The following CABYR variants were observed in gnomAD, a reference collection of about 807,000 sequenced individuals.
The protein encoded by CABYR is calcium binding tyrosine phosphorylation regulated.
Under a neutral mutation model 36.1 loss-of-function variants are expected in CABYR, and 31 were observed. The observed-to-expected ratio is 0.86, with a 90% confidence interval of 0.64 to 1.16. The LOEUF (loss-of-function observed/expected upper bound fraction) is 1.16, where lower values mean the gene tolerates loss of function less well. Ranked by LOEUF, CABYR falls within the 50% of genes most tolerant of loss-of-function variation. The pLI is 0.00. For synonymous variants in CABYR, 146 were observed against 160.7 expected (o/e 0.91, Z 0.69); for missense variants, 429 against 455.8 (o/e 0.94, Z 0.53).
chr18:24,155,613 C>T (rs2085759798), intron 3 of CABYR, 88 bp from the exon 4 acceptor site: 2 of 978,686 alleles, frequency 2.0e-6, no homozygotes, highest in African/African-American at 3.3e-5. Flanking sequence ...TGAGCCACTA[C>T]ATCCCTATTA....
At chr18:24,159,107 C>A (rs937819981) in intron 4 of CABYR, among the ~76,000 whole-genome samples, 118 of 152,192 alleles carry the variant, frequency 7.8e-4, no homozygotes, top group Non-Finnish European at 8.2e-4. Context: ...AATGGCTTAA[C>A]ACACTCTTCA....
At chr18:24,145,953 T>C (rs1216286306) in intron 3 of CABYR, among the ~76,000 whole-genome samples, 1 of 152,176 alleles carries the variant, frequency 6.6e-6, no homozygotes, top group Non-Finnish European at 1.5e-5. Context: ...GAGGATCAAA[T>C]TGATTTGCCA....
chr18:24,151,313 A>G (rs1025784578), intron 3 of CABYR, among the ~76,000 whole-genome samples: 2 of 152,234 alleles, frequency 1.3e-5, no homozygotes, highest in Non-Finnish European at 2.9e-5. Flanking sequence ...ACAAGAAGGA[A>G]TGCCTTTAGT....
At chr18:24,157,613 G>A (rs1033462347) in intron 4 of CABYR, among the ~76,000 whole-genome samples, 1 of 152,026 alleles carries the variant, frequency 6.6e-6, no homozygotes, top group Non-Finnish European at 1.5e-5. Context: ...CAGCAGAAAG[G>A]ACGGCCCGGC....
Position 24,159,935 on chromosome 18 carries a change from T to C in CABYR, c.1005T>C (p.Ala335=). ...RPKSPVFLSV[A]FPVEDVAKKS... is the part of the protein sequence containing the mutation. ...AAAGCCCTGTTTTCCTTTCTGTTGC[T>C]TTCCCAGTAGAAGATGTAGCTAAAA... Residue 335 remains alanine (A), a synonymous_variant, in exon 5 of 6, where the codon GCT becomes GCC. Transcript: ENST00000399496. 6.2e-7 allele frequency: 1 copy of C among 1,614,178 alleles called. No homozygotes were observed. Among genetic ancestry groups the C allele is most frequent in the Non-Finnish European group, 8.5e-7 (1 of 1,180,032 alleles).
intron 4 of CABYR, among the ~76,000 whole-genome samples, chr18:24,158,751 A>G (rs2085865320): frequency 6.6e-6 from 1 of 152,180 alleles, no homozygotes; most frequent in Non-Finnish European, 1.5e-5. Context: ...CCGAGGGCCC[A>G]TCTTCTGGGA....
intron 3 of CABYR, among the ~76,000 whole-genome samples, chr18:24,145,871 C>G (rs1435256512): frequency 6.6e-6 from 1 of 152,176 alleles, no homozygotes; most frequent in Non-Finnish European, 1.5e-5. Context: ...AGGTCATACA[C>G]TCTGAATGTG....
intron 5 of CABYR, chr18:24,160,851 C>T (rs2085952163): frequency 6.6e-6 from 1 of 152,350 alleles, no homozygotes; most frequent in South Asian, 2.1e-4. Flanking sequence ...AAGAAGCCAG[C>T]TTTGCAGGGT....
chr18:24,150,803 C>T (rs1444105766), intron 3 of CABYR, among the ~76,000 whole-genome samples: 3 of 139,950 alleles, frequency 2.1e-5, no homozygotes, highest in Admixed American at 7.3e-5. Flanking sequence ...TTTTTTGAGA[C>T]GGAGTCTCAC....
chr18:24,156,159 G>A (rs1221837331), intron 4 of CABYR, 117 bp downstream of exon 4: 1 of 1,614,196 alleles, frequency 6.2e-7, no homozygotes, highest in Admixed American at 1.7e-5. Flanking sequence ...AGATGTCATG[G>A]TGGCTGCTCC....
In CABYR at chr18:24,143,606, G is replaced by A. The variant is rs536816063; in HGVS notation, c.199+193G>A. 2.2e-4 allele frequency among the ~76,000 whole-genome samples: 33 copies of A among 149,804 alleles called. No individual in the cohort carries two copies. The South Asian group carries it at 7.0e-3, about 32-fold the overall frequency. On this transcript the variant is annotated intron_variant, in intron 3 of 5. Coordinates refer to ENST00000399496, the MANE Select transcript of CABYR (RefSeq NM_153769.3). ...ACCCAGGCTGGAGTGCAGCGGCGCC[G>A]TCATAGCTCACTGCAGCCTGGGCTC...
rs768174346 is a variant in CABYR, at chr18:24,159,459, T to A, written c.542-13T>A. On this transcript the variant is annotated splice_polypyrimidine_tract_variant and intron_variant, in intron 4 of 5. Transcript: ENST00000399496. ...GACCAAAACTTTAATTCCTGCAAAA[T>A]TTTTTTTTATAGCAATGGCAACAAG... The A allele has an allele frequency of 1.9e-5, 30 of 1,538,706 alleles. No homozygotes were observed. Among genetic ancestry groups the A allele is most frequent in the Admixed American group, 1.2e-4 (7 of 56,186 alleles).
chr18:24,157,016 T>C (rs1368090878), intron 4 of CABYR: 2 of 1,570,978 alleles, frequency 1.3e-6, no homozygotes, highest in African/African-American at 1.4e-5. Context: ...AAATCAGGTA[T>C]TTCCATTACA....
intron 3 of CABYR, among the ~76,000 whole-genome samples, chr18:24,151,921 C>T (rs542789218): frequency 1.3e-5 from 2 of 152,104 alleles, no homozygotes; most frequent in Non-Finnish European, 2.9e-5. Context: ...AACTCCTGGC[C>T]TCAAGTGATC....
chr18:24,153,399 T>C (rs1178815662), intron 3 of CABYR, among the ~76,000 whole-genome samples: 1 of 152,210 alleles, frequency 6.6e-6, no homozygotes. Context: ...ATCTTTCATG[T>C]GAGGCACGTG....
intron 3 of CABYR, among the ~76,000 whole-genome samples, chr18:24,152,451 A>G (rs185383770): frequency 1.3e-5 from 2 of 152,268 alleles, no homozygotes; most frequent in East Asian, 3.9e-4. Context: ...TAACTTTTTT[A>G]CTATGAGAAA....
At chr18:24,149,478 A>C (rs1458536448) in intron 3 of CABYR, among the ~76,000 whole-genome samples, 1 of 152,250 alleles carries the variant, frequency 6.6e-6, no homozygotes, top group African/African-American at 2.4e-5. Context: ...TCAGGAGTCC[A>C]GCTGGCTTCA....
chr18:24,145,478 G>A (rs572925703), intron 3 of CABYR, among the ~76,000 whole-genome samples: 2 of 152,266 alleles, frequency 1.3e-5, no homozygotes, highest in African/African-American at 4.8e-5. Flanking sequence ...TGAAATCTAG[G>A]GAGAGGTGAC....
chr18:24,150,595 G>C, intron 3 of CABYR: 1 of 983,626 alleles, frequency 1.0e-6, no homozygotes, highest in East Asian at 1.1e-4. Flanking sequence ...CAAGGAGGAA[G>C]AGGGGAGAAA....
Sources: gnomAD v4.1 joint callset for allele counts (sites outside exome capture counted in the v4.1 genomes callset) on GRCh38, gnomAD v4.1.1 for gene constraint, MANE v1.5 for transcripts, NCBI Gene and HGNC (gene_info 2026-07-23, HGNC 2026-07-21) for gene names.